UPP1: variants seen among roughly 807,000 people sequenced by gnomAD.
The protein encoded by UPP1 is UPase 1.
Under a neutral mutation model 29.6 loss-of-function variants are expected in UPP1, and 25 were observed. The ratio of observed to expected loss-of-function variants is 0.85; its 90% CI spans 0.62 to 1.18. The LOEUF is 1.18. Among genes scored for constraint, UPP1 ranks in the 50% most tolerant of loss-of-function variants. UPP1 has a pLI of 0.00. For missense variants in UPP1, 368 were observed against 410.4 expected (o/e 0.90, Z 0.89); for synonymous variants, 165 against 159.8 (o/e 1.03, Z -0.25).
intron 3 of UPP1, among the ~76,000 whole-genome samples, chr7:48,096,268 G>T (rs1476763489): frequency 6.6e-6 from 1 of 152,216 alleles, no homozygotes; most frequent in African/African-American, 2.4e-5. Context: ...AGGCAGTCAG[G>T]TGTAGAGCTC....
At chr7:48,093,902 G>T (rs559617479) in intron 2 of UPP1, among the ~76,000 whole-genome samples, 5 of 152,350 alleles carry the variant, frequency 3.3e-5, no homozygotes, top group Non-Finnish European at 7.3e-5. Flanking sequence ...GCTCACACCT[G>T]TAATCCCAGC....
chr7:48,091,184 A>C (rs994046696), intron 2 of UPP1, among the ~76,000 whole-genome samples: 3 of 152,214 alleles, frequency 2.0e-5, no homozygotes, highest in Non-Finnish European at 4.4e-5. Context: ...CATTCAAAAA[A>C]GTATTTTAAA....
chr7:48,100,490 A>G (rs1003022491), intron 4 of UPP1, among the ~76,000 whole-genome samples: 5 of 152,228 alleles, frequency 3.3e-5, no homozygotes, highest in Non-Finnish European at 5.9e-5. Context: ...TAAGATACAT[A>G]TTGATATTCT....
At chr7:48,101,630 C>A (rs1206386788) in intron 4 of UPP1, among the ~76,000 whole-genome samples, 194 bp from the exon 5 acceptor site, 1 of 152,124 alleles carries the variant, frequency 6.6e-6, no homozygotes, top group African/African-American at 2.4e-5. Flanking sequence ...GGCCGCCCAC[C>A]CTGACCACTC....
In UPP1 at chr7:48,090,247, C is replaced by G. The variant is rs1193944219; in HGVS notation, c.-139C>G. On this transcript the variant is annotated 5_prime_UTR_variant, in exon 2 of 9. Transcript: ENST00000395564. The stretch of plus-strand genomic sequence containing the variant: ...ACACGTCTCGTCTCCTGTCCCAATT[C>G]AGGGCTTGGTGAGGTGACTCGCGGT... The G allele has an allele frequency of 6.6e-6, 1 of 152,254 alleles. No individual in the cohort carries two copies. The highest frequency in any genetic ancestry group is 1.5e-5 in the Non-Finnish European group (1 of 68,052). The allele number at this position is 152,254 out of a possible 1,614,324, so 9.4% of individuals were successfully genotyped here. A position where few individuals can be genotyped will look rare whatever the true frequency, so the allele number is the denominator to read the frequency against.
intron 2 of UPP1, among the ~76,000 whole-genome samples, chr7:48,093,666 T>C (rs1467924937): frequency 2.0e-5 from 3 of 152,242 alleles, no homozygotes; most frequent in African/African-American, 7.2e-5. Context: ...TGAGCCCTAG[T>C]AGAATAACTT....
chr7:48,099,705 C>T lies in UPP1; in HGVS notation c.80C>T (p.Ala27Val). The change falls in exon 4 of 9, where the codon GCA becomes GTA. Residue 27 changes from alanine (A) to valine (V), a missense_variant. Physicochemically the swap from Ala to Val is moderately conservative, Grantham distance 64 (BLOSUM62 0). Coordinates refer to ENST00000395564, the MANE Select transcript of UPP1 (RefSeq NM_003364.4). ...CPVRLLNPNI[A>V]KMKEDILYHF... is the part of the protein sequence containing the mutation. ...GTCAGACTTTTAAATCCAAACATAG[C>T]AAAAATGAAAGAAGATATTCTCTAT... 6.2e-7 allele frequency: 1 copy of T among 1,613,594 alleles called. No homozygotes were observed.
Position 48,101,938 on chromosome 7 carries a change from G to C in UPP1, c.277G>C (p.Asp93His). ...RDYPNICAGT[D>H]RYAMYKVGPV... ...CTATCCCAACATCTGTGCGGGAACT[G>C]ACCGCTATGCCATGTATAAAGTAGG... The change falls in exon 5 of 9, where the codon GAC becomes CAC. Residue 93 changes from aspartate to histidine, a missense_variant. Coordinates refer to ENST00000395564, the MANE Select transcript of UPP1 (RefSeq NM_003364.4). 6.2e-7 allele frequency: 1 copy of C among 1,614,000 alleles called. No homozygotes were observed. Among genetic ancestry groups the C allele is most frequent in the Non-Finnish European group, 8.5e-7 (1 of 1,179,964 alleles).
intron 3 of UPP1, among the ~76,000 whole-genome samples, chr7:48,098,828 T>G (rs989525430): frequency 6.6e-6 from 1 of 152,168 alleles, no homozygotes; most frequent in Admixed American, 6.5e-5. Context: ...AAGGCATACA[T>G]TGTTGAAGGA....
chr7:48,101,507 G>A (rs936855180), intron 4 of UPP1, among the ~76,000 whole-genome samples: 10 of 152,046 alleles, frequency 6.6e-5, no homozygotes, highest in Admixed American at 3.3e-4. Flanking sequence ...TCCACAGGCC[G>A]CCTTCTACAT....
intron 3 of UPP1, among the ~76,000 whole-genome samples, chr7:48,097,119 A>G (rs187981810): frequency 6.6e-6 from 1 of 152,378 alleles, no homozygotes; most frequent in Admixed American, 6.5e-5. Context: ...TGTAGACTAG[A>G]GAAATATTTT....
chr7:48,093,312 G>C (rs1791946680), intron 2 of UPP1, among the ~76,000 whole-genome samples: 1 of 152,222 alleles, frequency 6.6e-6, no homozygotes, highest in Non-Finnish European at 1.5e-5. Context: ...TTGGGTTTTA[G>C]CTTGGTGACA....
Position 48,108,717 on chromosome 7 carries a change from T to G in UPP1, c.*360T>G, listed in dbSNP as rs1462846475. 1 of 177,700 alleles carries G rather than the reference T, an allele frequency of 5.6e-6. No homozygotes were observed. The highest frequency in any genetic ancestry group is 2.4e-5 in the African/African-American group (1 of 42,410). The allele number at this position is 177,700 out of a possible 1,614,324, so 11.0% of individuals were successfully genotyped here. On this transcript the variant is annotated 3_prime_UTR_variant, in exon 9 of 9. Transcript: ENST00000395564. ...CCAGGAAACTAATTTCCTGATACAT[T>G]AAAAAAATTCCATGCACCACTTGCA...
intron 3 of UPP1, among the ~76,000 whole-genome samples, chr7:48,099,244 T>C (rs1295769952): frequency 6.6e-6 from 1 of 152,162 alleles, no homozygotes; most frequent in African/African-American, 2.4e-5. Flanking sequence ...GGAGGTAGGA[T>C]TAGAGGTTGT....
At chr7:48,098,586 G>T (rs1256955491) in intron 3 of UPP1, among the ~76,000 whole-genome samples, 3 of 151,936 alleles carry the variant, frequency 2.0e-5, no homozygotes, top group Non-Finnish European at 4.4e-5. Context: ...CTGTGAGGGG[G>T]GTGCATCCCT....
intron 3 of UPP1, among the ~76,000 whole-genome samples, chr7:48,098,180 A>C (rs1186716837): frequency 6.6e-6 from 1 of 152,070 alleles, no homozygotes; most frequent in Non-Finnish European, 1.5e-5. Context: ...CTTTGTACTT[A>C]TGTTTTCTAT....
chr7:48,095,079 C>T (rs1276146548), intron 3 of UPP1, among the ~76,000 whole-genome samples: 1 of 152,124 alleles, frequency 6.6e-6, no homozygotes, highest in Non-Finnish European at 1.5e-5. Flanking sequence ...CAGACAAGTC[C>T]CTGCTCAAAT....
chr7:48,108,519 G>A lies in UPP1; in HGVS notation c.*162G>A, dbSNP rs934177436. ...ATCTTGGATTAACCGCATGGGAGAT[G>A]TTCTTCCTTTTGAAGTTTCATTGGA... On this transcript the variant is annotated 3_prime_UTR_variant, in exon 9 of 9. Coordinates refer to ENST00000395564, the MANE Select transcript of UPP1 (RefSeq NM_003364.4). 4.7e-5 allele frequency: 37 copies of A among 793,374 alleles called. No individual in the cohort carries two copies. The highest frequency in any genetic ancestry group is 6.2e-5 in the East Asian group (2 of 32,330). 49.1% of individuals were successfully genotyped at this position (793,374 alleles called of 1,614,324 possible).
chr7:48,108,704 T>G lies in UPP1; in HGVS notation c.*347T>G. 1 of 184,868 alleles carries G rather than the reference T, an allele frequency of 5.4e-6. No individual in the cohort carries two copies. Among genetic ancestry groups the G allele is most frequent in the South Asian group, 1.6e-4 (1 of 6,294 alleles). 11.5% of individuals were successfully genotyped at this position (184,868 alleles called of 1,614,324 possible). ...TCTGACAATAGTGCCAGGAAACTAA[T>G]TTCCTGATACATTAAAAAAATTCCA... is the stretch of plus-strand genomic sequence containing the variant. On this transcript the variant is annotated 3_prime_UTR_variant, in exon 9 of 9. Transcript: ENST00000395564.
Sources: gnomAD v4.1 joint callset for allele counts (sites outside exome capture counted in the v4.1 genomes callset) on GRCh38, gnomAD v4.1.1 for gene constraint, MANE v1.5 for transcripts, NCBI Gene and HGNC (gene_info 2026-07-23, HGNC 2026-07-21) for gene names.